NTN1: variants seen among roughly 807,000 people sequenced by gnomAD.
NTN1 encodes netrin-1.
In NTN1, 11 loss-of-function variants were observed where a neutral mutation model predicts 54.2. The ratio of observed to expected loss-of-function variants is 0.20; its 90% confidence interval spans 0.13 to 0.34. The LOEUF (loss-of-function observed/expected upper bound fraction) is 0.34. Ranked by LOEUF, NTN1 falls within the 10% of genes least tolerant of loss-of-function variation. The pLI is 1.00. For synonymous variants in NTN1, 371 were observed against 382.0 expected (o/e 0.97, Z 0.33); for missense variants, 740 against 893.1 (o/e 0.83, Z 2.18).
intron 5 of NTN1, among the ~76,000 whole-genome samples, chr17:9,187,217 G>A (rs905557269): frequency 1.3e-5 from 2 of 152,132 alleles, no homozygotes; most frequent in African/African-American, 4.8e-5. Context: ...GGGAGTTGCT[G>A]GCGTGAGGAC....
At chr17:9,102,285 AG>A (rs530761486) in intron 2 of NTN1, among the ~76,000 whole-genome samples, 96 of 152,142 alleles carry the variant, frequency 6.3e-4, no homozygotes, top group African/African-American at 2.3e-3. Context: ...ATGGCTGGAG[AG>A]GCCTCAGGAA....
At chr17:9,098,689 G>T (rs1231883151) in intron 2 of NTN1, among the ~76,000 whole-genome samples, 1 of 152,170 alleles carries the variant, frequency 6.6e-6, no homozygotes, top group Non-Finnish European at 1.5e-5. Context: ...CCAGTAGCTG[G>T]GGTGTGGAGA....
chr17:9,004,294 A>G, the NTN1 span, among the ~76,000 whole-genome samples: 16 of 152,216 alleles, frequency 1.1e-4, no homozygotes, highest in Non-Finnish European at 2.4e-4. Context: ...ATGCACAAGC[A>G]TAGATAGTAG....
chr17:9,196,491 C>CG (rs1567735651), intron 5 of NTN1, among the ~76,000 whole-genome samples: 1 of 152,188 alleles, frequency 6.6e-6, no homozygotes, highest in East Asian at 1.9e-4. Flanking sequence ...ATTTTCCTCT[C>CG]GGCAGCTCTC....
At chr17:9,032,912 A>G (rs908748559) in intron 2 of NTN1, among the ~76,000 whole-genome samples, 1 of 151,138 alleles carries the variant, frequency 6.6e-6, no homozygotes, top group Non-Finnish European at 1.5e-5. Context: ...CTGAGCTGCC[A>G]TGAGGAAGGA....
intron 5 of NTN1, among the ~76,000 whole-genome samples, chr17:9,213,122 A>AGG (rs1905147924): frequency 6.6e-6 from 1 of 152,138 alleles, no homozygotes; most frequent in African/African-American, 2.4e-5. Context: ...GAGGAATAAA[A>AGG]GGGAGGGTAG....
chr17:9,040,685 A>G (rs745783072), intron 2 of NTN1, among the ~76,000 whole-genome samples: 1 of 152,192 alleles, frequency 6.6e-6, no homozygotes, highest in Admixed American at 6.5e-5. Flanking sequence ...GCACATTTCT[A>G]GAGTTTCATT....
intron 2 of NTN1, among the ~76,000 whole-genome samples, chr17:9,144,952 G>A (rs1367522552): frequency 1.4e-4 from 22 of 152,242 alleles, no homozygotes; most frequent in Admixed American, 1.4e-3. Flanking sequence ...ACACCGGTCT[G>A]TGGTCTGTAC....
upstream of NTN1, among the ~76,000 whole-genome samples, chr17:9,017,510 C>T (rs113782617): frequency 3.2e-3 from 490 of 152,314 alleles, 7 homozygotes; most frequent in African/African-American, 0.011. Flanking sequence ...ACCCGAGTCC[C>T]CTGGTTTTCC....
At chr17:9,134,374 C>G (rs569903193) in intron 2 of NTN1, among the ~76,000 whole-genome samples, 20 of 152,282 alleles carry the variant, frequency 1.3e-4, no homozygotes, top group African/African-American at 4.6e-4. Context: ...TCTCTCCCCC[C>G]AGAGCACTCC....
intron 6 of NTN1, among the ~76,000 whole-genome samples, chr17:9,225,263 A>AAT (rs1555578531): frequency 2.0e-5 from 3 of 150,658 alleles, no homozygotes; most frequent in African/African-American, 5.0e-5. Context: ...TCAAAAAAAA[A>AAT]AATAAATAAA....
chr17:9,067,035 G>A (rs2092017399), intron 2 of NTN1, among the ~76,000 whole-genome samples: 1 of 148,334 alleles, frequency 6.7e-6, no homozygotes, highest in Non-Finnish European at 1.5e-5. Flanking sequence ...AGCCGGAGTC[G>A]GCACTTTGGG....
chr17:9,213,522 G>A (rs1905156298), intron 5 of NTN1, among the ~76,000 whole-genome samples: 1 of 152,162 alleles, frequency 6.6e-6, no homozygotes, highest in Admixed American at 6.5e-5. Context: ...GAAACTGTGG[G>A]GCATAAAACG....
chr17:9,183,062 ACTC>A (rs1330409106), intron 5 of NTN1, 93 bp downstream of exon 5: 1 of 1,295,338 alleles, frequency 7.7e-7, no homozygotes, highest in East Asian at 2.3e-5. Flanking sequence ...GAAAGCCCAG[ACTC>A]CTCTAACCAC....
chr17:9,073,175 A>C (rs1428255525), intron 2 of NTN1, among the ~76,000 whole-genome samples: 1 of 152,224 alleles, frequency 6.6e-6, no homozygotes, highest in African/African-American at 2.4e-5. Flanking sequence ...CAGGGGCCGC[A>C]TTTGCAAACA....
At chr17:9,167,945 G>A (rs955529384) in intron 3 of NTN1, among the ~76,000 whole-genome samples, 8 of 152,098 alleles carry the variant, frequency 5.3e-5, no homozygotes, top group South Asian at 2.1e-4. Flanking sequence ...AAATACTGCC[G>A]CCTGGATCCC....
intron 2 of NTN1, among the ~76,000 whole-genome samples, chr17:9,088,986 TG>T (rs1440958883): frequency 1.3e-5 from 2 of 152,214 alleles, no homozygotes; most frequent in African/African-American, 4.8e-5. Flanking sequence ...GCCTGGATCC[TG>T]GGTGTCCGCC....
At chr17:9,081,108 T>TA (rs1196333453) in intron 2 of NTN1, among the ~76,000 whole-genome samples, 2 of 152,148 alleles carry the variant, frequency 1.3e-5, no homozygotes, top group African/African-American at 4.8e-5. Context: ...GGGGCAGTCT[T>TA]ATGCGACTGA....
chr17:9,003,948 G>A, the NTN1 span, among the ~76,000 whole-genome samples: 1 of 152,224 alleles, frequency 6.6e-6, no homozygotes, highest in Non-Finnish European at 1.5e-5. The surrounding 1 kb of genome is among the most constrained non-coding windows in gnomAD (Gnocchi z 7.4). Context: ...GGACCCGCCG[G>A]CCTCGGCCTC....
Sources: allele counts gnomAD v4.1 joint callset (sites outside exome capture counted in the v4.1 genomes callset), GRCh38; gene constraint gnomAD v4.1.1; non-coding constraint Gnocchi (gnomAD v3.1); transcripts MANE v1.5; gene names NCBI Gene and HGNC (gene_info 2026-07-23, HGNC 2026-07-21).